LINGO2: variants seen among roughly 807,000 people sequenced by gnomAD.
LINGO2 encodes the protein leucine-rich repeat and immunoglobulin-like domain-containing nogo receptor-interacting protein 2.
In LINGO2, 14 loss-of-function variants were observed where a neutral mutation model predicts 30.6. That is an observed-to-expected ratio of 0.46 (90% CI 0.30 to 0.72). The LOEUF is 0.72. Ranked by LOEUF, LINGO2 falls within the 30% of genes least tolerant of loss-of-function variation. The probability of loss-of-function intolerance (pLI) is 0.07; values close to 1 mark genes in which losing one functional copy is unlikely to be tolerated. For synonymous variants in LINGO2, 317 were observed against 288.5 expected (o/e 1.10, Z -1.00); for missense variants, 729 against 751.7 (o/e 0.97, Z 0.35).
chr9:28,966,535 C>T, the LINGO2 span, among the ~76,000 whole-genome samples: 1 of 152,042 alleles, frequency 6.6e-6, no homozygotes, highest in African/African-American at 2.4e-5. Flanking sequence ...TTCTCACACT[C>T]ATTATGTGAA....
the LINGO2 span, among the ~76,000 whole-genome samples, chr9:28,827,305 C>G: frequency 3.3e-5 from 5 of 152,132 alleles, no homozygotes; most frequent in Non-Finnish European, 5.9e-5. Context: ...AATTACTCTT[C>G]CTAATACTTA....
chr9:28,754,065 C>T, the LINGO2 span, among the ~76,000 whole-genome samples: 6,311 of 151,052 alleles, frequency 0.042, 463 homozygotes, highest in African/African-American at 0.14. Context: ...TAATAAAATG[C>T]CCTCAATTAA....
intron 1 of LINGO2, among the ~76,000 whole-genome samples, chr9:28,639,233 C>T (rs1173994946): frequency 1.3e-5 from 2 of 152,134 alleles, no homozygotes; most frequent in African/African-American, 4.8e-5. Flanking sequence ...CAGTGCTTTA[C>T]TTCCAACTAT....
chr9:28,175,629 C>T (rs575774351), intron 4 of LINGO2, among the ~76,000 whole-genome samples: 10 of 152,188 alleles, frequency 6.6e-5, no homozygotes, highest in Admixed American at 2.6e-4. Context: ...GTAATGACTA[C>T]GAGATATGAT....
At chr9:28,535,807 T>A (rs563563008) in intron 1 of LINGO2, among the ~76,000 whole-genome samples, 1 of 151,972 alleles carries the variant, frequency 6.6e-6, no homozygotes, top group African/African-American at 2.4e-5. Flanking sequence ...CATAGAACAA[T>A]AGGAGAAGAC....
chr9:28,824,132 G>T, the LINGO2 span, among the ~76,000 whole-genome samples: 1 of 152,076 alleles, frequency 6.6e-6, no homozygotes, highest in East Asian at 1.9e-4. Context: ...AAGGTGGTTT[G>T]TTTCACGGTA....
chr9:28,114,285 T>G (rs985065741), intron 4 of LINGO2, among the ~76,000 whole-genome samples: 1 of 92,856 alleles, frequency 1.1e-5, no homozygotes, highest in African/African-American at 3.3e-5. Context: ...GTGGATAAGC[T>G]TTTTGATGTG....
chr9:28,821,539 G>A, the LINGO2 span, among the ~76,000 whole-genome samples: 1 of 152,200 alleles, frequency 6.6e-6, no homozygotes, highest in South Asian at 2.1e-4. Flanking sequence ...GCCTCCAGCT[G>A]TAGCTGCAAC....
downstream of LINGO2, among the ~76,000 whole-genome samples, chr9:27,947,700 A>G (rs1823421411): frequency 6.6e-6 from 1 of 152,202 alleles, no homozygotes; most frequent in Admixed American, 6.5e-5. Flanking sequence ...GCAGGCAGCT[A>G]TCATGTTTTA....
chr9:28,834,337 A>G, the LINGO2 span, among the ~76,000 whole-genome samples: 2 of 152,074 alleles, frequency 1.3e-5, no homozygotes, highest in Non-Finnish European at 2.9e-5. Flanking sequence ...AAATTTAGAG[A>G]CTCTGTTACT....
the LINGO2 span, among the ~76,000 whole-genome samples, chr9:28,722,188 C>T: frequency 2.0e-5 from 3 of 152,042 alleles, no homozygotes; most frequent in East Asian, 3.9e-4. Flanking sequence ...TGAAAATTGC[C>T]TAAAGGAAAT....
At chr9:28,157,506 A>G (rs1828165949) in intron 4 of LINGO2, among the ~76,000 whole-genome samples, 1 of 152,198 alleles carries the variant, frequency 6.6e-6, no homozygotes, top group Non-Finnish European at 1.5e-5. Flanking sequence ...TGCCCTGGAG[A>G]CATTTTCCCC....
chr9:28,098,900 T>C lies in LINGO2; in HGVS notation c.-86-86495A>G, dbSNP rs562020159. Among the ~76,000 whole-genome samples, 6 of 152,250 alleles carry C rather than the reference T, an allele frequency of 3.9e-5. No homozygotes were observed. The East Asian group carries it at 1.2e-3, about 29-fold the overall frequency. ...GGAAATGGTGAATATGTTTGTGTTATTGAAAAAAATGGGGTGAACATCCTG... is the reference window on the plus strand; with the variant it reads ...GGAAATGGTGAATATGTTTGTGTTACTGAAAAAAATGGGGTGAACATCCTG... On this transcript the variant is annotated intron_variant, in intron 4 of 5. Transcript: ENST00000379992.
chr9:28,582,072 T>C (rs1824284593), intron 1 of LINGO2, among the ~76,000 whole-genome samples: 1 of 152,012 alleles, frequency 6.6e-6, no homozygotes, highest in Non-Finnish European at 1.5e-5. Flanking sequence ...TATATTGAGC[T>C]CATCAGGCTA....
chr9:28,951,144 G>T, the LINGO2 span, among the ~76,000 whole-genome samples: 2 of 152,112 alleles, frequency 1.3e-5, no homozygotes, highest in Non-Finnish European at 2.9e-5. Flanking sequence ...AATGGAGAAG[G>T]ATTCCCTGTT....
the LINGO2 span, among the ~76,000 whole-genome samples, chr9:28,789,542 C>T: frequency 6.6e-6 from 1 of 152,082 alleles, no homozygotes; most frequent in Non-Finnish European, 1.5e-5. Context: ...CTTTCCATGG[C>T]TGATTGGAAA....
the LINGO2 span, among the ~76,000 whole-genome samples, chr9:28,980,853 A>G: frequency 3.9e-5 from 6 of 152,048 alleles, no homozygotes; most frequent in African/African-American, 1.4e-4. Flanking sequence ...CCCTATATGA[A>G]GAATGTAAAC....
rs140190900 is a variant in LINGO2, at chr9:28,009,484, A to G, written c.-36+2871T>C. Among the ~76,000 whole-genome samples the G allele has an allele frequency of 4.9e-3, 748 of 152,206 alleles. 10 individuals carry two copies. The highest frequency in any genetic ancestry group is 0.017 in the African/African-American group (716 of 41,576). On this transcript the variant is annotated intron_variant, in intron 5 of 5. Transcript: ENST00000379992. ...TGTAAATTATAAATATATAATAAAAACTTGTAAGAAGACTATATATAGAAC... is the reference window on the plus strand; with the variant it reads ...TGTAAATTATAAATATATAATAAAAGCTTGTAAGAAGACTATATATAGAAC...
At chr9:28,028,746 A>G (rs1257330309) in intron 4 of LINGO2, among the ~76,000 whole-genome samples, 1 of 151,848 alleles carries the variant, frequency 6.6e-6, no homozygotes, top group Non-Finnish European at 1.5e-5. Context: ...TGTTTTTTGT[A>G]TTTTTTTTCT....
Sources: gnomAD v4.1 joint callset for allele counts (sites outside exome capture counted in the v4.1 genomes callset) on GRCh38, gnomAD v4.1.1 for gene constraint, MANE v1.5 for transcripts, NCBI Gene and HGNC (gene_info 2026-07-23, HGNC 2026-07-21) for gene names.